The following ME1 variants were observed in gnomAD, a reference collection of about 807,000 sequenced individuals.
The protein encoded by ME1 is malic enzyme 1, also known as NADP-dependent malic enzyme.
Under a neutral mutation model 66.4 loss-of-function variants are expected in ME1, and 74 were observed. The ratio of observed to expected loss-of-function variants is 1.11; its 90% CI spans 0.92 to 1.35. The LOEUF is 1.35. Ranked by LOEUF, ME1 falls within the 40% of genes most tolerant of loss-of-function variation. The probability of loss-of-function intolerance (pLI) is 0.00; values close to 1 mark genes in which losing one functional copy is unlikely to be tolerated. For synonymous variants in ME1, 251 were observed against 235.6 expected, an observed-to-expected ratio of 1.07 and a Z score of -0.60; for missense variants, 750 against 694.1, an observed-to-expected ratio of 1.08 and a Z score of -0.90.
intron 6 of ME1, among the ~76,000 whole-genome samples, chr6:83,289,437 T>C (rs915669528): frequency 6.5e-4 from 99 of 152,342 alleles, no homozygotes; most frequent in Non-Finnish European, 3.7e-4. Context: ...GTTCTGTTTA[T>C]GTGATGGATT....
intron 5 of ME1, among the ~76,000 whole-genome samples, chr6:83,333,393 A>G (rs1768453961): frequency 6.6e-6 from 1 of 152,234 alleles, no homozygotes; most frequent in African/African-American, 2.4e-5. Context: ...AGACTCAGTC[A>G]TAATTAAGTT....
At chr6:83,264,920 T>C (rs1361724566) in intron 6 of ME1, among the ~76,000 whole-genome samples, 1 of 152,192 alleles carries the variant, frequency 6.6e-6, no homozygotes, top group Non-Finnish European at 1.5e-5. Context: ...CAACCTGGTT[T>C]GAAAGGATTG....
intron 6 of ME1, among the ~76,000 whole-genome samples, chr6:83,294,102 A>G (rs1767552751): frequency 6.6e-6 from 1 of 152,216 alleles, no homozygotes; most frequent in South Asian, 2.1e-4. Flanking sequence ...AATATGGGAC[A>G]TGGATGAAGC....
At chr6:83,426,726 C>T (rs180862273) in intron 1 of ME1, among the ~76,000 whole-genome samples, 4 of 152,212 alleles carry the variant, frequency 2.6e-5, no homozygotes, top group Admixed American at 2.0e-4. Flanking sequence ...AAATTAACTT[C>T]GATAAAACAC....
chr6:83,229,261 G>A (rs1037902010), intron 9 of ME1: 4 of 418,800 alleles, frequency 9.6e-6, no homozygotes, highest in African/African-American at 8.4e-5. Context: ...TAATTATATT[G>A]TTCGTCACAC....
At chr6:83,315,458 A>G in intron 5 of ME1, 45 bp from the exon 6 acceptor site, 1 of 1,112,338 alleles carries the variant, frequency 9.0e-7, no homozygotes, top group Non-Finnish European at 1.3e-6. Flanking sequence ...CTATAACCAA[A>G]TCATTTATTG....
At chr6:83,233,714 T>A (rs1237036933) in intron 9 of ME1, among the ~76,000 whole-genome samples, 1 of 151,572 alleles carries the variant, frequency 6.6e-6, no homozygotes, top group African/African-American at 2.4e-5. Context: ...AATTATATTA[T>A]AAGTTAATAA....
At chr6:83,284,227 T>C (rs1767356952) in intron 6 of ME1, among the ~76,000 whole-genome samples, 1 of 152,002 alleles carries the variant, frequency 6.6e-6, no homozygotes, top group Non-Finnish European at 1.5e-5. Flanking sequence ...ACTTCCAAAA[T>C]TGAATTAGTA....
At position 83,224,895 on chromosome 6, in the gene ME1, G is replaced by C. The variant is rs552883458; in HGVS notation, c.1276-962C>G. 2.0e-5 allele frequency among the ~76,000 whole-genome samples: 3 copies of C among 151,664 alleles called. No homozygotes were observed. In the East Asian group the frequency reaches 5.9e-4, roughly 30 times the overall value. On this transcript the variant is annotated intron_variant, in intron 11 of 13. Transcript: ENST00000369705. ...ATTGTTTTGAGGAATCTCATGTACT[G>C]CTTGCTTTAAAAAGGCATGAACTTG... is the stretch of plus-strand genomic sequence containing the variant.
At chr6:83,300,597 C>CCTTT (rs1260091046) in intron 6 of ME1, among the ~76,000 whole-genome samples, 4 of 141,972 alleles carry the variant, frequency 2.8e-5, no homozygotes, top group African/African-American at 5.4e-5. Flanking sequence ...CTTTTATTTT[C>CCTTT]CTTTCTTTCT....
intron 7 of ME1, among the ~76,000 whole-genome samples, chr6:83,246,198 C>G (rs1264877870): frequency 1.3e-5 from 2 of 152,106 alleles, no homozygotes. Flanking sequence ...ACTAAGTTAT[C>G]TTGCTAATGA....
At chr6:83,408,339 T>G (rs1000559775) in intron 1 of ME1, among the ~76,000 whole-genome samples, 1 of 152,214 alleles carries the variant, frequency 6.6e-6, no homozygotes, top group Non-Finnish European at 1.5e-5. Flanking sequence ...TATATGATTC[T>G]GAGTTACCTG....
At chr6:83,237,290 A>C (rs1790428266) in intron 9 of ME1, among the ~76,000 whole-genome samples, 1 of 55,222 alleles carries the variant, frequency 1.8e-5, no homozygotes, top group Non-Finnish European at 3.8e-5. Flanking sequence ...GAAGGAAGGA[A>C]GGAAAGAAAG....
chr6:83,315,312 G>C lies in ME1; in HGVS notation c.702C>G (p.Ser234=). 6.3e-7 allele frequency: 1 copy of C among 1,579,256 alleles called. No homozygotes were observed. The highest frequency in any genetic ancestry group is 1.1e-5 in the South Asian group (1 of 89,046). The change falls in exon 6 of 14, where the codon TCC becomes TCG. Residue 234 remains serine, a splice_region_variant and synonymous_variant. Transcript: ENST00000369705. ...ATAGGTTAAATAAAGATACATACTT[G>C]GAAGAAACTGCCTCCATGAATTCGT... ...FLDEFMEAVS[S]KYGMNCLIQF...
chr6:83,232,875 T>G (rs969565052), intron 9 of ME1, among the ~76,000 whole-genome samples: 4 of 152,062 alleles, frequency 2.6e-5, no homozygotes, highest in African/African-American at 9.7e-5. Flanking sequence ...AGCTAAACAT[T>G]TAACTATAAG....
chr6:83,221,179 A>T (rs1790085615), intron 12 of ME1, among the ~76,000 whole-genome samples: 1 of 150,400 alleles, frequency 6.6e-6, no homozygotes, highest in African/African-American at 2.5e-5. Flanking sequence ...GATAATCTAC[A>T]ATTTAGTTAT....
chr6:83,236,895 T>C (rs1259771095), intron 9 of ME1, among the ~76,000 whole-genome samples: 3 of 152,066 alleles, frequency 2.0e-5, no homozygotes, highest in Non-Finnish European at 4.4e-5. Context: ...CAATATCAAA[T>C]TGCTAAATTT....
At chr6:83,343,891 C>A (rs1408615093) in intron 5 of ME1, among the ~76,000 whole-genome samples, 1 of 152,080 alleles carries the variant, frequency 6.6e-6, no homozygotes, top group African/African-American at 2.4e-5. Flanking sequence ...GAAATCAATT[C>A]TTTCATATAA....
At chr6:83,393,476 C>CT (rs1428312531) in intron 3 of ME1, 2 of 474,404 alleles carry the variant, frequency 4.2e-6, no homozygotes, top group Non-Finnish European at 7.6e-6. Flanking sequence ...GCTGGAGAGT[C>CT]CCTGCCACAC....
Sources: gnomAD v4.1 joint callset for allele counts (sites outside exome capture counted in the v4.1 genomes callset) on GRCh38, gnomAD v4.1.1 for gene constraint, MANE v1.5 for transcripts, NCBI Gene and HGNC (gene_info 2026-07-23, HGNC 2026-07-21) for gene names.